Variants in EFCAB6 observed in about 807,000 individuals in gnomAD.
EFCAB6 encodes the protein EF-hand calcium-binding domain-containing protein 6.
Under a neutral mutation model 169.8 loss-of-function variants are expected in EFCAB6, and 156 were observed. That is an observed-to-expected ratio of 0.92 (90% confidence interval 0.81 to 1.05). EFCAB6 has a LOEUF of 1.05. Ranked by LOEUF, EFCAB6 falls within the 50% of genes least tolerant of loss-of-function variation. EFCAB6 has a pLI of 0.00. For missense variants in EFCAB6, 1,800 were observed against 1,829.1 expected (o/e 0.98, Z 0.29); for synonymous variants, 698 against 676.4 (o/e 1.03, Z -0.50).
chr22:43,763,969 T>C, intron 5 of EFCAB6, among the ~76,000 whole-genome samples: 1 of 151,662 alleles, frequency 6.6e-6, no homozygotes, highest in East Asian at 1.9e-4. Flanking sequence ...CACTATATCG[T>C]CCAGGCTGGT....
intron 26 of EFCAB6, among the ~76,000 whole-genome samples, chr22:43,562,436 C>T (rs1178093774): frequency 6.6e-6 from 1 of 152,088 alleles, no homozygotes; most frequent in Non-Finnish European, 1.5e-5. Context: ...AATCTAAACC[C>T]CTGGTTCTAA....
chr22:43,622,280 C>A (rs1245507091), intron 20 of EFCAB6, among the ~76,000 whole-genome samples: 1 of 152,158 alleles, frequency 6.6e-6, no homozygotes, highest in East Asian at 1.9e-4. Flanking sequence ...AAATAAAGCT[C>A]ATTCTGGCAT....
chr22:43,643,340 C>G (rs1016213360), intron 17 of EFCAB6, among the ~76,000 whole-genome samples: 1 of 152,198 alleles, frequency 6.6e-6, no homozygotes, highest in East Asian at 1.9e-4. Flanking sequence ...TCGGACTCCA[C>G]GGGACAACAT....
intron 2 of EFCAB6, among the ~76,000 whole-genome samples, chr22:43,793,493 C>T (rs5764301): frequency 0.88 from 133,603 of 152,268 alleles, 58,663 homozygotes; most frequent in East Asian, 0.99. Flanking sequence ...TAGGCCACTG[C>T]AGGCATTGGC....
At chr22:43,736,138 C>T (rs1387873908) in intron 6 of EFCAB6, 145 bp from the exon 7 acceptor site, 1 of 758,516 alleles carries the variant, frequency 1.3e-6, no homozygotes, top group African/African-American at 1.8e-5. Flanking sequence ...GCAAAAATGA[C>T]ATGTCTACGG....
At chr22:43,783,992 C>T (rs1415122402) in intron 2 of EFCAB6, among the ~76,000 whole-genome samples, 1 of 152,108 alleles carries the variant, frequency 6.6e-6, no homozygotes, top group African/African-American at 2.4e-5. Context: ...GCAGTTGAAC[C>T]TGAGAGGTTG....
intron 17 of EFCAB6, among the ~76,000 whole-genome samples, chr22:43,645,020 T>C (rs1392960066): frequency 6.6e-6 from 1 of 152,224 alleles, no homozygotes; most frequent in African/African-American, 2.4e-5. Context: ...TGTATTCCTT[T>C]TTAGTAGGAA....
rs1407395118 is a variant in EFCAB6, at chr22:43,716,895, A to G, written c.835T>C (p.Trp279Arg). ...ATTTCATCCAAGGAGTAGTTTCTCC[A>G]GATATCTTCAGATGATGCAGAACCT... ...LLGSASSEDI[W>R]RNYSLDEIER... The change falls in exon 9 of 32, where the codon TGG becomes CGG. Residue 279 changes from tryptophan to arginine, a missense_variant. Transcript: ENST00000262726. The G allele has an allele frequency of 2.5e-6, 4 of 1,603,586 alleles. No individual in the cohort carries two copies. Among genetic ancestry groups the G allele is most frequent in the Non-Finnish European group, 3.4e-6 (4 of 1,175,572 alleles).
intron 24 of EFCAB6, among the ~76,000 whole-genome samples, chr22:43,589,280 C>CAAAAA (rs1163346832): frequency 3.7e-4 from 30 of 80,940 alleles, no homozygotes; most frequent in Non-Finnish European, 4.8e-4. Context: ...GACTTCATGT[C>CAAAAA]AAAAAAAAAA....
intron 6 of EFCAB6, among the ~76,000 whole-genome samples, chr22:43,746,206 G>A (rs766688806): frequency 1.5e-4 from 23 of 152,172 alleles, no homozygotes; most frequent in Non-Finnish European, 2.9e-4. Context: ...CATTGCTCTG[G>A]CAGTTGCCCT....
chr22:43,581,593 A>G (rs2147314933), intron 24 of EFCAB6, among the ~76,000 whole-genome samples: 1 of 152,354 alleles, frequency 6.6e-6, no homozygotes, highest in South Asian at 2.1e-4. Context: ...ACATTTCTAC[A>G]ACTTAAATTC....
At chr22:43,789,052 G>A (rs902369908) in intron 2 of EFCAB6, among the ~76,000 whole-genome samples, 9 of 152,176 alleles carry the variant, frequency 5.9e-5, no homozygotes, top group Admixed American at 2.0e-4. Flanking sequence ...TAGGTTAGTG[G>A]GTGGCAGGGA....
chr22:43,751,020 T>C (rs111870589), intron 6 of EFCAB6, among the ~76,000 whole-genome samples: 2,886 of 152,338 alleles, frequency 0.019, 95 homozygotes, highest in African/African-American at 0.066. Flanking sequence ...AGACCAGATG[T>C]TCTGGCATCA....
At chr22:43,638,427 C>T (rs2055574649) in intron 17 of EFCAB6, among the ~76,000 whole-genome samples, 1 of 152,216 alleles carries the variant, frequency 6.6e-6, no homozygotes, top group African/African-American at 2.4e-5. Context: ...GTCACTCCGG[C>T]CATCCCTGGG....
intron 22 of EFCAB6, among the ~76,000 whole-genome samples, chr22:43,606,317 T>C (rs775629540): frequency 2.6e-5 from 4 of 152,198 alleles, no homozygotes; most frequent in Non-Finnish European, 2.9e-5. Flanking sequence ...AGCATTTGAG[T>C]GTCTTTGGCG....
chr22:43,666,702 T>TG (rs1556019232), intron 17 of EFCAB6, among the ~76,000 whole-genome samples: 6 of 120,540 alleles, frequency 5.0e-5, no homozygotes, highest in African/African-American at 1.3e-4. Flanking sequence ...TTTTTTTTTT[T>TG]TTTTTTTTTT....
chr22:43,778,749 A>G (rs1425481868), intron 3 of EFCAB6, among the ~76,000 whole-genome samples: 1 of 152,232 alleles, frequency 6.6e-6, no homozygotes. Context: ...AAACTGCAAC[A>G]AAGTCAAGGC....
chr22:43,733,013 T>G (rs1244289831), intron 7 of EFCAB6, among the ~76,000 whole-genome samples: 1 of 152,252 alleles, frequency 6.6e-6, no homozygotes, highest in African/African-American at 2.4e-5. Context: ...TTTATTTTTC[T>G]GTTTTCCAAA....
chr22:43,771,949 C>T (rs2061482985), intron 4 of EFCAB6, among the ~76,000 whole-genome samples: 1 of 152,220 alleles, frequency 6.6e-6, no homozygotes, highest in Non-Finnish European at 1.5e-5. Context: ...GGCATCCAAG[C>T]TTTCACACAG....
Sources: gnomAD v4.1 joint callset for allele counts (sites outside exome capture counted in the v4.1 genomes callset) on GRCh38, gnomAD v4.1.1 for gene constraint, MANE v1.5 for transcripts, NCBI Gene and HGNC (gene_info 2026-07-23, HGNC 2026-07-21) for gene names.